The following ZEB1 variants were observed in gnomAD, a reference collection of about 807,000 sequenced individuals.
ZEB1 encodes zinc finger E-box binding homeobox 1.
A neutral mutation model predicts 84.9 loss-of-function variants in ZEB1; 21 were observed. The observed-to-expected ratio is 0.25, with a 90% CI of 0.18 to 0.36. The LOEUF is 0.36. Among genes scored for constraint, ZEB1 ranks in the 10% least tolerant of loss-of-function variants. The probability of loss-of-function intolerance (pLI) is 1.00; values close to 1 mark genes in which losing one functional copy is unlikely to be tolerated. For missense variants in ZEB1, 1,104 were observed against 1,330.2 expected (o/e 0.83, Z 2.65); for synonymous variants, 420 against 471.1 (o/e 0.89, Z 1.41).
At chr10:31,526,318 A>C (rs80001147) in intron 8 of ZEB1, among the ~76,000 whole-genome samples, 2,587 of 152,306 alleles carry the variant, frequency 0.017, 63 homozygotes, top group African/African-American at 0.059. Context: ...GTGAGCAGCA[A>C]GTCTGTCCCT....
intron 1 of ZEB1, among the ~76,000 whole-genome samples, chr10:31,390,518 T>C (rs916331097): frequency 2.0e-5 from 3 of 152,210 alleles, no homozygotes; most frequent in African/African-American, 7.2e-5. Context: ...AATTTTTGAA[T>C]GATTACTTGA....
chr10:31,330,964 G>A (rs750122856), intron 1 of ZEB1, among the ~76,000 whole-genome samples: 5 of 150,394 alleles, frequency 3.3e-5, no homozygotes, highest in African/African-American at 9.8e-5. Flanking sequence ...TGTCTTGAAC[G>A]TTCTGTATAT....
At chr10:31,411,840 C>A (rs537685084) in intron 1 of ZEB1, among the ~76,000 whole-genome samples, 1 of 152,126 alleles carries the variant, frequency 6.6e-6, no homozygotes, top group East Asian at 1.9e-4. Flanking sequence ...TACATCATTT[C>A]ATTTGAGAGT....
intron 2 of ZEB1, among the ~76,000 whole-genome samples, chr10:31,493,947 G>A (rs980790115): frequency 1.3e-5 from 2 of 151,974 alleles, no homozygotes; most frequent in Non-Finnish European, 2.9e-5. Context: ...TAATCAAATT[G>A]CAGTTCCTAA....
chr10:31,324,908 C>A (rs2035120658), intron 1 of ZEB1, among the ~76,000 whole-genome samples: 1 of 151,994 alleles, frequency 6.6e-6, no homozygotes, highest in South Asian at 2.1e-4. Context: ...TGTAGCAACC[C>A]TAGTTAAAAT....
chr10:31,521,549 A>G lies in ZEB1; in HGVS notation c.2217A>G (p.Ser739=), dbSNP rs1171053948. 6.2e-7 allele frequency: 1 copy of G among 1,614,002 alleles called. No homozygotes were observed. The highest frequency in any genetic ancestry group is 8.5e-7 in the Non-Finnish European group (1 of 1,180,012). The stretch of plus-strand genomic sequence containing the variant: ...CACAAGTAGAACCTCTTGATCTTTC[A>G]CTACCAAAGCAACAGGGAGAATTAT... ...EEPQVEPLDL[S]LPKQQGELLE... The change falls in exon 7 of 9, where the codon TCA becomes TCG. Residue 739 remains serine (S), a synonymous_variant. Coordinates refer to ENST00000424869, the MANE Select transcript of ZEB1 (RefSeq NM_001174096.2).
rs191212317 is a variant in ZEB1, at chr10:31,344,402, C to T, written c.58+25110C>T. ...TATAAAATACTTACATATAAATATA[C>T]TTAAATAAGTATTTAAGATTTAATG... is the stretch of plus-strand genomic sequence containing the variant. On this transcript the variant is annotated intron_variant, in intron 1 of 8. Transcript: ENST00000424869. Among the ~76,000 whole-genome samples, 210 of 151,964 alleles carry T rather than the reference C, an allele frequency of 1.4e-3. 1 individual carries two copies. Among genetic ancestry groups the T allele is most frequent in the African/African-American group, 4.6e-3 (192 of 41,440 alleles).
chr10:31,331,077 CTTTCTTTTTT>C (rs1168872269), intron 1 of ZEB1, among the ~76,000 whole-genome samples: 69 of 89,044 alleles, frequency 7.7e-4, no homozygotes, highest in African/African-American at 3.6e-3. Flanking sequence ...TTTTTTCTTT[CTTTCTTTTTT>C]TTTTTTTTTT....
chr10:31,394,857 A>G (rs952781917), intron 1 of ZEB1, among the ~76,000 whole-genome samples: 3 of 152,178 alleles, frequency 2.0e-5, no homozygotes, highest in Non-Finnish European at 4.4e-5. Context: ...CTGGGGCTTG[A>G]GCTAGTGTGG....
chr10:31,486,567 C>A (rs1476027861), intron 2 of ZEB1, among the ~76,000 whole-genome samples: 4 of 147,956 alleles, frequency 2.7e-5, no homozygotes, highest in Admixed American at 2.7e-4. Context: ...TCTTTTTTTT[C>A]TGTAGTGTTT....
chr10:31,393,346 A>G lies in ZEB1; in HGVS notation c.59-67691A>G, dbSNP rs2050132659. ...GTGACCAGATTTTGCTTTTTTATCC[A>G]GGAAGAACAGTTTGTGAATGCCACT... On this transcript the variant is annotated intron_variant, in intron 1 of 8. Transcript: ENST00000424869. Among the ~76,000 whole-genome samples, 3 of 152,150 alleles carry G rather than the reference A, an allele frequency of 2.0e-5. No individual in the cohort carries two copies. In the South Asian group the frequency reaches 6.2e-4, roughly 31 times the overall value.
At position 31,529,571 on chromosome 10, in the gene ZEB1, C is replaced by G. The variant is rs774936502; in HGVS notation, c.*2307C>G. On this transcript the variant is annotated 3_prime_UTR_variant, in exon 9 of 9. Transcript: ENST00000424869. The stretch of plus-strand genomic sequence containing the variant: ...CACTAGGAACAGGAACCACATTTGT[C>G]ATAGTCACTCTCACATTCCTCACTG... The G allele has an allele frequency of 1.2e-4, 18 of 152,224 alleles. No homozygotes were observed. Among genetic ancestry groups the G allele is most frequent in the Non-Finnish European group, 2.4e-4 (16 of 68,038 alleles). The allele number at this position is 152,224 out of a possible 1,614,324, so 9.4% of individuals were successfully genotyped here.
At chr10:31,471,048 G>C (rs2063169908) in intron 2 of ZEB1, among the ~76,000 whole-genome samples, 1 of 129,994 alleles carries the variant, frequency 7.7e-6, no homozygotes, top group Admixed American at 7.9e-5. Flanking sequence ...TGCCCTAAAA[G>C]AGCTCCTGAA....
intron 1 of ZEB1, among the ~76,000 whole-genome samples, chr10:31,379,635 A>G (rs1025993589): frequency 2.6e-5 from 4 of 152,014 alleles, no homozygotes; most frequent in African/African-American, 2.4e-5. Context: ...TGTTCGTTAT[A>G]TAGTAGAGTA....
chr10:31,337,050 A>C (rs888863452), intron 1 of ZEB1, among the ~76,000 whole-genome samples: 1 of 149,376 alleles, frequency 6.7e-6, no homozygotes, highest in Admixed American at 6.6e-5. Flanking sequence ...AAACAAAAAA[A>C]TAAATAATAG....
At chr10:31,463,821 T>G (rs1050420729) in intron 2 of ZEB1, among the ~76,000 whole-genome samples, 1 of 152,196 alleles carries the variant, frequency 6.6e-6, no homozygotes, top group Non-Finnish European at 1.5e-5. Flanking sequence ...ACAAGTCTTT[T>G]GGAGAAATAT....
chr10:31,324,899 G>C (rs1304870270), intron 1 of ZEB1, among the ~76,000 whole-genome samples: 1 of 152,014 alleles, frequency 6.6e-6, no homozygotes, highest in Non-Finnish European at 1.5e-5. Flanking sequence ...AGAAAGTTTT[G>C]TAGCAACCCT....
intron 1 of ZEB1, among the ~76,000 whole-genome samples, chr10:31,429,732 A>ATTTTT (rs2057454560): frequency 3.2e-5 from 4 of 124,006 alleles, no homozygotes; most frequent in South Asian, 2.5e-4. Context: ...TACAGGCAGA[A>ATTTTT]CTTTTTTTTT....
At position 31,331,247 on chromosome 10, in the gene ZEB1, C is replaced by T. The variant is rs188295233; in HGVS notation, c.58+11955C>T. ...GATTACAGGCGCGTGCCACCATGCCCGACTAATTTTTTGTATTTTTAGTAG... is the reference window on the plus strand; with the variant it reads ...GATTACAGGCGCGTGCCACCATGCCTGACTAATTTTTTGTATTTTTAGTAG... On this transcript the variant is annotated intron_variant, in intron 1 of 8. Transcript: ENST00000424869. Among the ~76,000 whole-genome samples, 9 of 151,482 alleles carry T rather than the reference C, an allele frequency of 5.9e-5. No homozygotes were observed. The South Asian group carries it at 8.4e-4, about 14-fold the overall frequency.
Sources: allele counts gnomAD v4.1 joint callset (sites outside exome capture counted in the v4.1 genomes callset), GRCh38; gene constraint gnomAD v4.1.1; transcripts MANE v1.5; gene names NCBI Gene and HGNC (gene_info 2026-07-23, HGNC 2026-07-21).